The following TSGA10 variants were observed in gnomAD, a reference collection of about 807,000 sequenced individuals.
TSGA10 encodes the protein testis-specific gene 10 protein.
A neutral mutation model predicts 96.6 loss-of-function variants in TSGA10; 43 were observed. The ratio of observed to expected loss-of-function variants is 0.44; its 90% CI spans 0.35 to 0.57. The LOEUF (loss-of-function observed/expected upper bound fraction) is 0.57, where lower values mean the gene tolerates loss of function less well. Among genes scored for constraint, TSGA10 ranks in the 20% least tolerant of loss-of-function variants. TSGA10 has a pLI of 0.01. For synonymous variants in TSGA10, 229 were observed against 269.9 expected, an observed-to-expected ratio of 0.85 and a Z score of 1.48; for missense variants, 703 against 834.4, an observed-to-expected ratio of 0.84 and a Z score of 1.94.
At chr2:99,075,063 AC>A (rs1407498645) in intron 12 of TSGA10, among the ~76,000 whole-genome samples, 1 of 152,178 alleles carries the variant, frequency 6.6e-6, no homozygotes, top group Non-Finnish European at 1.5e-5. Context: ...TACTCTAGAA[AC>A]ATTGTAAAGT....
At position 99,058,674 on chromosome 2, in the gene TSGA10, T is replaced by C. The variant is rs2084277415; in HGVS notation, c.1404+6265A>G. Reference sequence around the variant, plus strand: ...ACTACAAAGTAAGAACAAATTTGCCTACAAATTTGACAACTTAGATGAAAT... The same window carrying C: ...ACTACAAAGTAAGAACAAATTTGCCCACAAATTTGACAACTTAGATGAAAT... On this transcript the variant is annotated intron_variant, in intron 16 of 20. Transcript: ENST00000393483. Among the ~76,000 whole-genome samples the C allele has an allele frequency of 3.3e-5, 5 of 152,216 alleles. 1 individual carries two copies. Among genetic ancestry groups the C allele is most frequent in the Middle Eastern group, 3.4e-3 (1 of 294 alleles).
intron 10 of TSGA10, among the ~76,000 whole-genome samples, chr2:99,085,952 CA>C (rs2088298023): frequency 6.6e-6 from 1 of 152,090 alleles, no homozygotes; most frequent in South Asian, 2.1e-4. Context: ...GTCTACGGAT[CA>C]ACAGACTAAT....
intron 20 of TSGA10, among the ~76,000 whole-genome samples, chr2:99,015,648 G>A (rs2079453105): frequency 6.6e-6 from 1 of 152,114 alleles, no homozygotes; most frequent in Non-Finnish European, 1.5e-5. Context: ...GTCCTAGACA[G>A]AGCGATCACA....
intron 20 of TSGA10, among the ~76,000 whole-genome samples, chr2:99,005,017 T>C (rs532988211): frequency 3.7e-4 from 56 of 152,280 alleles, no homozygotes; most frequent in Non-Finnish European, 4.1e-4. Flanking sequence ...TAATCCAGCA[T>C]ATAAACAGAA....
At chr2:99,114,447 T>C (rs2092078950) in intron 4 of TSGA10, among the ~76,000 whole-genome samples, 1 of 152,164 alleles carries the variant, frequency 6.6e-6, no homozygotes, top group Non-Finnish European at 1.5e-5. Flanking sequence ...CAAAGGCCTA[T>C]TTCCATTTTG....
chr2:99,107,946 A>C (rs1198655057), intron 7 of TSGA10, among the ~76,000 whole-genome samples: 1 of 152,086 alleles, frequency 6.6e-6, no homozygotes, highest in African/African-American at 2.4e-5. Context: ...GTCTTAAACC[A>C]ATTTATTTAT....
At chr2:99,016,855 T>C (rs1170513535) in intron 20 of TSGA10, among the ~76,000 whole-genome samples, 1 of 152,086 alleles carries the variant, frequency 6.6e-6, no homozygotes, top group African/African-American at 2.4e-5. Context: ...GAATAAACAA[T>C]TCTCAAAAGA....
At chr2:99,003,166 C>T (rs1192066082) in intron 20 of TSGA10, among the ~76,000 whole-genome samples, 1 of 152,116 alleles carries the variant, frequency 6.6e-6, no homozygotes, top group Non-Finnish European at 1.5e-5. Context: ...CTAAAACAGA[C>T]TTTAAACCAA....
intron 14 of TSGA10, among the ~76,000 whole-genome samples, chr2:99,070,739 T>C (rs917630750): frequency 6.6e-6 from 1 of 152,156 alleles, no homozygotes; most frequent in African/African-American, 2.4e-5. Flanking sequence ...TTGGTTTTTA[T>C]TGCTATTCAT....
chr2:99,136,003 T>C (rs1031392450), intron 1 of TSGA10, among the ~76,000 whole-genome samples: 3 of 33,978 alleles, frequency 8.8e-5, no homozygotes, highest in Admixed American at 3.4e-4. Flanking sequence ...GAGCGAGACT[T>C]CGTACCAAAA....
At chr2:99,139,461 T>C (rs868788221) in intron 1 of TSGA10, among the ~76,000 whole-genome samples, 5 of 152,222 alleles carry the variant, frequency 3.3e-5, no homozygotes, top group Non-Finnish European at 7.3e-5. Flanking sequence ...AATGGAATTC[T>C]GAAATCTGGT....
Position 99,018,659 on chromosome 2 carries a change from G to T in TSGA10, c.1818-19C>A. The T allele has an allele frequency of 6.3e-7, 1 of 1,590,850 alleles. No homozygotes were observed. The highest frequency in any genetic ancestry group is 8.5e-7 in the Non-Finnish European group (1 of 1,169,744). ...GATGGCCCTGTTTAAAAGAAGATAA[G>T]AGTTATAGTTGACTAAACTTAAAAT... is the stretch of plus-strand genomic sequence containing the variant. On this transcript the variant is annotated intron_variant, in intron 18 of 20. Coordinates refer to ENST00000393483, the MANE Select transcript of TSGA10 (RefSeq NM_025244.4).
intron 1 of TSGA10, among the ~76,000 whole-genome samples, chr2:99,137,629 T>C (rs1019371399): frequency 5.3e-5 from 8 of 151,918 alleles, no homozygotes; most frequent in Non-Finnish European, 7.4e-5. Context: ...GTGATTGATA[T>C]GATATCAGTG....
In TSGA10 at chr2:99,008,774, T is replaced by C. The variant is rs1331811736; in HGVS notation, c.2072+9426A>G. Among the ~76,000 whole-genome samples, 5 of 152,246 alleles carry C rather than the reference T, an allele frequency of 3.3e-5. No homozygotes were observed. The East Asian group carries it at 5.8e-4, about 18-fold the overall frequency. On this transcript the variant is annotated intron_variant, in intron 20 of 20. Transcript: ENST00000393483. ...CAAATTATTGGAAACTACCTAAATG[T>C]CCAAGTTTAGGAGGTGGGTTGCATA...
chr2:99,108,623 C>CT (rs2091549593), intron 7 of TSGA10, among the ~76,000 whole-genome samples: 1 of 151,996 alleles, frequency 6.6e-6, no homozygotes. Flanking sequence ...TGATTTTTGG[C>CT]TATGGGGATA....
At chr2:99,035,599 A>G (rs2081546798) in intron 16 of TSGA10, among the ~76,000 whole-genome samples, 160 bp from the exon 17 acceptor site, 1 of 149,612 alleles carries the variant, frequency 6.7e-6, no homozygotes, top group East Asian at 1.9e-4. Context: ...AAAACAGTCT[A>G]AGATAAATTC....
intron 10 of TSGA10, among the ~76,000 whole-genome samples, chr2:99,093,146 A>G (rs2089562417): frequency 6.6e-6 from 1 of 152,222 alleles, no homozygotes; most frequent in African/African-American, 2.4e-5. Context: ...AATAAAAAAC[A>G]AAAATCACAT....
At chr2:99,093,933 C>A (rs1215067321) in intron 10 of TSGA10, among the ~76,000 whole-genome samples, 1 of 152,006 alleles carries the variant, frequency 6.6e-6, no homozygotes, top group Non-Finnish European at 1.5e-5. Flanking sequence ...AAAAAAGAGC[C>A]CACATAGCCA....
rs2077579664 is a variant in TSGA10 at position 98,997,778 on chromosome 2, T to G, written c.*419A>C. 6.5e-6 allele frequency: 1 copy of G among 154,598 alleles called. No homozygotes were observed. Among genetic ancestry groups the G allele is most frequent in the South Asian group, 2.1e-4 (1 of 4,860 alleles). The allele number at this position is 154,598 out of a possible 1,614,324, so 9.6% of individuals were successfully genotyped here. ...CAGTATCAGTAAGTTGTACCCATTTTGGCACAGATTTTCCAGCCATGAAAA... is the reference window on the plus strand; with the variant it reads ...CAGTATCAGTAAGTTGTACCCATTTGGGCACAGATTTTCCAGCCATGAAAA... On this transcript the variant is annotated 3_prime_UTR_variant, in exon 21 of 21. Transcript: ENST00000393483.
Sources: allele counts gnomAD v4.1 joint callset (sites outside exome capture counted in the v4.1 genomes callset), GRCh38; gene constraint gnomAD v4.1.1; transcripts MANE v1.5; gene names NCBI Gene and HGNC (gene_info 2026-07-23, HGNC 2026-07-21).